Variants in C1QTNF5 observed in about 807,000 individuals in gnomAD.
C1QTNF5 encodes complement C1q tumor necrosis factor-related protein 5.
A neutral mutation model predicts 10.9 loss-of-function variants in C1QTNF5; 5 were observed. That is an observed-to-expected ratio of 0.46 (90% CI 0.24 to 0.97). C1QTNF5 has a LOEUF of 0.97. Ranked by LOEUF, C1QTNF5 falls within the 50% of genes least tolerant of loss-of-function variation. The pLI, the probability that C1QTNF5 is intolerant of heterozygous loss-of-function variation, is 0.19. For synonymous variants in C1QTNF5, 161 were observed against 156.5 expected (o/e 1.03, Z -0.22); for missense variants, 281 against 339.4 (o/e 0.83, Z 1.35).
chr11:119,343,822 A>G (rs1950528356), upstream of C1QTNF5: 1 of 1,613,874 alleles, frequency 6.2e-7, no homozygotes, highest in East Asian at 2.2e-5. Flanking sequence ...GTACCTGCCC[A>G]GGAGGCTGAA....
chr11:119,342,126 AG>A, upstream of C1QTNF5: 2 of 1,006,888 alleles, frequency 2.0e-6, no homozygotes, highest in African/African-American at 1.6e-5. Flanking sequence ...ACAAAGAGAC[AG>A]GCTGTACACA....
chr11:119,344,097 A>G (rs996750320), upstream of C1QTNF5: 16 of 1,216,152 alleles, frequency 1.3e-5, no homozygotes, highest in Non-Finnish European at 1.9e-5. Context: ...GTTCTTAAGG[A>G]CCTTTAATTT....
At chr11:119,342,642 G>C (rs574601214), upstream of C1QTNF5, 3 of 1,613,600 alleles carry the variant, frequency 1.9e-6, no homozygotes, top group South Asian at 2.2e-5. Flanking sequence ...CGCTGCCATC[G>C]GTGCAGTCTC....
chr11:119,342,778 G>C (rs377600522), upstream of C1QTNF5: 91 of 1,613,102 alleles, frequency 5.6e-5, no homozygotes, highest in African/African-American at 1.0e-3. Flanking sequence ...TACACCCCCA[G>C]TACCCCCAGA....
At chr11:119,341,368 G>A (rs763004520), upstream of C1QTNF5, 8 of 611,418 alleles carry the variant, frequency 1.3e-5, no homozygotes, top group Admixed American at 5.9e-5. Flanking sequence ...GGACAGGAAG[G>A]AGCAGGGAGG....
At chr11:119,346,128 G>T in the C1QTNF5 span, 1 of 1,603,146 alleles carries the variant, frequency 6.2e-7, no homozygotes, top group Non-Finnish European at 8.5e-7. Context: ...AGGAGAAGCG[G>T]CAGTCTGGCC....
upstream of C1QTNF5, chr11:119,341,663 C>A (rs754049770): frequency 6.2e-7 from 1 of 1,612,900 alleles, no homozygotes; most frequent in East Asian, 2.2e-5. Context: ...CGCTTCCTGG[C>A]AGACAGAGCG....
chr11:119,342,456 T>C, upstream of C1QTNF5: 2 of 1,053,376 alleles, frequency 1.9e-6, no homozygotes, highest in Non-Finnish European at 2.7e-6. Flanking sequence ...CTCTGTGAAG[T>C]GGTCCCAGAG....
Position 119,340,220 on chromosome 11 carries a change from CG to C in C1QTNF5, c.177del (p.Ala61LeufsTer70). 1 of 1,513,878 alleles carries C rather than the reference CG, an allele frequency of 6.6e-7. No individual in the cohort carries two copies. Among genetic ancestry groups the C allele is most frequent in the Non-Finnish European group, 8.8e-7 (1 of 1,133,846 alleles). 93.8% of individuals were successfully genotyped at this position (1,513,878 alleles called of 1,614,324 possible). A position where few individuals can be genotyped will look rare whatever the true frequency, so the allele number is the denominator to read the frequency against. ...RDGRDGRDGAPGAPGEKGEGG... is the reference protein window; with the variant it reads ...RDGRDGRDGAXGAPGEKGEGG... The stretch of plus-strand genomic sequence containing the variant: ...CCCTCGCCTTTCTCTCCCGGAGCCC[CG>C]GGCGCGCCGTCGCGGCCGTCGCGGC... On this transcript the variant is annotated frameshift_variant, in exon 2 of 3. Transcript: ENST00000528368. LOFTEE classifies it low-confidence loss of function (END_TRUNC).
Position 119,339,081 on chromosome 11 carries a change from A to T in C1QTNF5, c.*250T>A. The T allele has an allele frequency of 2.1e-6, 1 of 485,378 alleles. No individual in the cohort carries two copies. Among genetic ancestry groups the T allele is most frequent in the Non-Finnish European group, 3.7e-6 (1 of 273,788 alleles). 30.1% of individuals were successfully genotyped at this position (485,378 alleles called of 1,614,324 possible). ...GCTCCTGGACCAGAGCAACTGGGGG[A>T]CTTACACTTGCCAGCACAGCACACT... On this transcript the variant is annotated 3_prime_UTR_variant, in exon 3 of 3. Coordinates refer to ENST00000528368, the MANE Select transcript of C1QTNF5 (RefSeq NM_001278431.2). This position sits in a 1 kb window ranked among gnomAD's most constrained non-coding sequence, Gnocchi z 5.4.
At chr11:119,341,905 C>A, upstream of C1QTNF5, 1 of 1,614,096 alleles carries the variant, frequency 6.2e-7, no homozygotes, top group Non-Finnish European at 8.5e-7. Flanking sequence ...TGATCATGCC[C>A]ACCCAGATGT....
At chr11:119,343,704 AG>A, upstream of C1QTNF5, 1 of 1,355,588 alleles carries the variant, frequency 7.4e-7, no homozygotes, top group Admixed American at 1.7e-5. Context: ...CCCGGCCTGG[AG>A]TAGCAGAAGA....
the C1QTNF5 span, chr11:119,346,427 G>T: frequency 6.2e-7 from 1 of 1,613,680 alleles, no homozygotes; most frequent in South Asian, 1.1e-5. Context: ...ACTGGTGCTG[G>T]GTCTTAGGAG....
chr11:119,342,643 G>A (rs1230334390), upstream of C1QTNF5: 2 of 1,613,642 alleles, frequency 1.2e-6, no homozygotes, highest in Non-Finnish European at 1.7e-6. Context: ...GCTGCCATCG[G>A]TGCAGTCTCT....
Position 119,340,235 on chromosome 11 carries a change from G to C in C1QTNF5, c.163C>G (p.Arg55Gly), listed in dbSNP as rs1040241545. The part of the protein sequence containing the change: ...GLPGRDGRDG[R>G]DGAPGAPGEK... ...CCCGGAGCCCCGGGCGCGCCGTCGCGGCCGTCGCGGCCATCGCGGCCCGGC... is the reference window on the plus strand; with the variant it reads ...CCCGGAGCCCCGGGCGCGCCGTCGCCGCCGTCGCGGCCATCGCGGCCCGGC... The change falls in exon 2 of 3, where the codon CGC becomes GGC. Residue 55 changes from arginine to glycine, a missense_variant. Coordinates refer to ENST00000528368, the MANE Select transcript of C1QTNF5 (RefSeq NM_001278431.2). The C allele has an allele frequency of 6.6e-7, 1 of 1,512,956 alleles. No homozygotes were observed. The highest frequency in any genetic ancestry group is 1.5e-5 in the African/African-American group (1 of 68,682). 93.7% of individuals were successfully genotyped at this position (1,512,956 alleles called of 1,614,324 possible).
At chr11:119,345,128 G>T (rs1013220973), upstream of C1QTNF5, 8 of 1,310,962 alleles carry the variant, frequency 6.1e-6, no homozygotes, top group Admixed American at 8.6e-5. Context: ...GGTCAAAAAG[G>T]CTCCTCTGAT....
chr11:119,344,065 G>A, upstream of C1QTNF5: 1 of 1,467,980 alleles, frequency 6.8e-7, no homozygotes, highest in South Asian at 1.2e-5. Context: ...GGGGGGATGG[G>A]GTGGTGCTTT....
the C1QTNF5 span, chr11:119,346,287 G>A: frequency 2.5e-6 from 4 of 1,613,450 alleles, no homozygotes; most frequent in Non-Finnish European, 3.4e-6. Context: ...CAGGGAGCTG[G>A]GACGCTGTAG....
chr11:119,345,293 G>T, upstream of C1QTNF5: 1 of 982,296 alleles, frequency 1.0e-6, no homozygotes. Flanking sequence ...TGGTGGCAGA[G>T]CTGGGCCCAG....
Sources: allele counts gnomAD v4.1 joint callset, GRCh38; gene constraint gnomAD v4.1.1; non-coding constraint Gnocchi (gnomAD v3.1); transcripts MANE v1.5; gene names NCBI Gene and HGNC (gene_info 2026-07-23, HGNC 2026-07-21).